The following TXLNB variants were observed in gnomAD, a reference collection of about 807,000 sequenced individuals.
TXLNB encodes beta-taxilin.
TXLNB carries 37 observed loss-of-function variants against 57.4 expected under a neutral mutation model. The observed-to-expected ratio is 0.64, with a 90% CI of 0.50 to 0.85. The LOEUF (loss-of-function observed/expected upper bound fraction) is 0.85, where lower values mean the gene tolerates loss of function less well. Ranked by LOEUF, TXLNB falls within the 40% of genes least tolerant of loss-of-function variation. The probability of loss-of-function intolerance (pLI) is 0.00; values close to 1 mark genes in which losing one functional copy is unlikely to be tolerated. For missense variants in TXLNB, 848 were observed against 825.6 expected, an observed-to-expected ratio of 1.03 and a Z score of -0.33; for synonymous variants, 302 against 309.6, an observed-to-expected ratio of 0.98 and a Z score of 0.26.
the TXLNB span, among the ~76,000 whole-genome samples, chr6:139,198,160 A>G: frequency 3.8e-4 from 58 of 151,684 alleles, no homozygotes; most frequent in African/African-American, 1.4e-3. Context: ...TTCCTCAAGC[A>G]TTGTTTTAGG....
rs116986049 is a variant in TXLNB, at chr6:139,242,978, C to G, written c.1603G>C (p.Asp535His). ...PEIGSSQESADAALKEPEQPP... is the reference protein window; with the variant it reads ...PEIGSSQESAHAALKEPEQPP... ...TGCTCTGGCTCCTTGAGAGCGGCGT[C>G]AGCACTCTCCTGAGAACTGCCTATT... Residue 535 changes from aspartate to histidine, a missense_variant, in exon 10 of 10, where the codon GAC becomes CAC. Asp to His is a moderately conservative substitution (Grantham distance 81). Coordinates refer to ENST00000358430, the MANE Select transcript of TXLNB (RefSeq NM_153235.4). 1,543 of 1,614,154 alleles carry G rather than the reference C, an allele frequency of 9.6e-4. 12 individuals are homozygous for G. The East Asian group carries it at 0.014, about 14-fold the overall frequency.
chr6:139,235,044 G>C, the TXLNB span, among the ~76,000 whole-genome samples: 2 of 152,198 alleles, frequency 1.3e-5, no homozygotes, highest in African/African-American at 2.4e-5. Context: ...TACCTAGTTG[G>C]ATTTAGGCTT....
rs781109653 is a variant in TXLNB at position 139,242,817 on chromosome 6, G to T, written c.1764C>A (p.Thr588=). Residue 588 remains threonine (T), a synonymous_variant, in exon 10 of 10, where the codon ACC becomes ACA. Coordinates refer to ENST00000358430, the MANE Select transcript of TXLNB (RefSeq NM_153235.4). The part of the protein sequence containing the change: ...SNSPAGLGAE[T]QCEGLPVGAQ... The stretch of plus-strand genomic sequence containing the variant: ...CTCCAACAGGGAGACCCTCGCATTG[G>T]GTTTCTGCTCCCAACCCGGCAGGAG... The T allele has an allele frequency of 6.2e-7, 1 of 1,614,172 alleles. No homozygotes were observed. The highest frequency in any genetic ancestry group is 8.5e-7 in the Non-Finnish European group (1 of 1,180,044).
At chr6:139,199,715 A>C in the TXLNB span, among the ~76,000 whole-genome samples, 1 of 152,176 alleles carries the variant, frequency 6.6e-6, no homozygotes, top group Non-Finnish European at 1.5e-5. Context: ...TGCTGAATTA[A>C]TAAAGGCCTT....
At chr6:139,255,538 C>A in intron 7 of TXLNB, 26 bp downstream of exon 7, 1 of 1,607,216 alleles carries the variant, frequency 6.2e-7, no homozygotes, top group South Asian at 1.1e-5. Flanking sequence ...GGACAGCACC[C>A]CCATGCCTCG....
the TXLNB span, among the ~76,000 whole-genome samples, chr6:139,230,054 A>T: frequency 6.6e-6 from 1 of 152,172 alleles, no homozygotes. Flanking sequence ...TTTGAAGATT[A>T]TTAATTAACA....
chr6:139,234,012 G>T, the TXLNB span, among the ~76,000 whole-genome samples: 8 of 152,168 alleles, frequency 5.3e-5, no homozygotes, highest in Non-Finnish European at 1.0e-4. Flanking sequence ...TGAAGAACTT[G>T]TTGGGAACTA....
chr6:139,315,970 A>G, the TXLNB span, among the ~76,000 whole-genome samples: 1 of 152,200 alleles, frequency 6.6e-6, no homozygotes, highest in East Asian at 1.9e-4. Context: ...ATTTCAATAA[A>G]TAAGAAATGT....
At chr6:139,193,841 T>TATTA in the TXLNB span, among the ~76,000 whole-genome samples, 1 of 25,752 alleles carries the variant, frequency 3.9e-5, no homozygotes, top group East Asian at 5.2e-4. Flanking sequence ...TATATATATA[T>TATTA]TTTTTTTTTT....
At chr6:139,305,596 A>G in the TXLNB span, among the ~76,000 whole-genome samples, 1 of 152,206 alleles carries the variant, frequency 6.6e-6, no homozygotes, top group African/African-American at 2.4e-5. Context: ...TTAGAGTCAG[A>G]AAGATATTCA....
chr6:139,184,529 T>C, the TXLNB span, among the ~76,000 whole-genome samples: 4 of 152,252 alleles, frequency 2.6e-5, no homozygotes, highest in African/African-American at 9.6e-5. Flanking sequence ...TTTGTTGACA[T>C]CTGTTCTCTT....
intron 7 of TXLNB, 57 bp from the exon 8 acceptor site, chr6:139,247,966 T>G (rs904695172): frequency 9.7e-7 from 1 of 1,031,564 alleles, no homozygotes; most frequent in African/African-American, 1.6e-5. Context: ...AAACATGTCA[T>G]TGTTCATTAT....
At chr6:139,165,415 T>C in the TXLNB span, among the ~76,000 whole-genome samples, 3 of 152,304 alleles carry the variant, frequency 2.0e-5, no homozygotes, top group African/African-American at 7.2e-5. Context: ...ATCATTGTCA[T>C]TTAATTTCAT....
the TXLNB span, chr6:139,176,964 T>C: frequency 1.1e-6 from 1 of 872,662 alleles, no homozygotes; most frequent in Non-Finnish European, 2.0e-6. The surrounding 1 kb of genome is among the most constrained non-coding windows in gnomAD (Gnocchi z 4.5). Flanking sequence ...GTAAGCACTG[T>C]GGGAAGCCGG....
chr6:139,247,984 A>C, intron 7 of TXLNB, 75 bp from the exon 8 acceptor site: 1 of 838,970 alleles, frequency 1.2e-6, no homozygotes, highest in Middle Eastern at 2.3e-4. Context: ...TATTTAAAGG[A>C]ATTCTCAATA....
the TXLNB span, among the ~76,000 whole-genome samples, chr6:139,201,983 C>T: frequency 1.3e-5 from 2 of 152,210 alleles, no homozygotes; most frequent in Admixed American, 6.5e-5. Context: ...GCAGTACCCA[C>T]ACCATAACCA....
the TXLNB span, chr6:139,180,193 C>A: frequency 2.0e-5 from 3 of 152,150 alleles, no homozygotes; most frequent in Admixed American, 1.3e-4. Flanking sequence ...AGTTCATTTT[C>A]TGAGTAAAAG....
chr6:139,244,535 G>GT lies in TXLNB; in HGVS notation c.1266+59dup, dbSNP rs1163889509. Reference sequence around the variant, plus strand: ...ACTATTACCAGGTTATAATTGTATCGTAAGTTTGAATGTTTTGACTAGACA... The same window carrying GT: ...ACTATTACCAGGTTATAATTGTATCGTTAAGTTTGAATGTTTTGACTAGACA... On this transcript the variant is annotated intron_variant, in intron 9 of 9. Coordinates refer to ENST00000358430, the MANE Select transcript of TXLNB (RefSeq NM_153235.4). 6.9e-5 allele frequency: 80 copies of GT among 1,152,056 alleles called. No homozygotes were observed. In the East Asian group the frequency reaches 1.0e-3, roughly 14 times the overall value. 71.4% of individuals were successfully genotyped at this position (1,152,056 alleles called of 1,614,324 possible).
At chr6:139,302,609 C>CAA in the TXLNB span, among the ~76,000 whole-genome samples, 36,711 of 117,732 alleles carry the variant, frequency 0.31, 5,272 homozygotes, top group Middle Eastern at 0.43. Flanking sequence ...ACTAAAAATA[C>CAA]AAAAAAAAAA....
Sources: allele counts gnomAD v4.1 joint callset (sites outside exome capture counted in the v4.1 genomes callset), GRCh38; gene constraint gnomAD v4.1.1; non-coding constraint Gnocchi (gnomAD v3.1); transcripts MANE v1.5; gene names NCBI Gene and HGNC (gene_info 2026-07-23, HGNC 2026-07-21).